RYR2: variants seen among roughly 807,000 people sequenced by gnomAD.
RYR2 encodes ryanodine receptor 2.
In RYR2, 227 loss-of-function variants were observed where a neutral mutation model predicts 601.1. That is an observed-to-expected ratio of 0.38 (90% CI 0.34 to 0.42). The LOEUF (loss-of-function observed/expected upper bound fraction) is 0.42, where lower values mean the gene tolerates loss of function less well. Ranked by LOEUF, RYR2 falls within the 10% of genes least tolerant of loss-of-function variation. RYR2 has a pLI of 1.00. For missense variants in RYR2, 4,646 were observed against 6,156.5 expected, an observed-to-expected ratio of 0.75 and a Z score of 8.21; for synonymous variants, 2,223 against 2,175.1, an observed-to-expected ratio of 1.02 and a Z score of -0.61.
At chr1:237,315,634 G>A (rs1412351657) in intron 2 of RYR2, among the ~76,000 whole-genome samples, 2 of 152,104 alleles carry the variant, frequency 1.3e-5, no homozygotes, top group African/African-American at 4.8e-5. Flanking sequence ...TCCTGTGGAG[G>A]ATCACAAAGC....
At chr1:237,396,257 A>C (rs1044103655) in intron 10 of RYR2, among the ~76,000 whole-genome samples, 3 of 152,168 alleles carry the variant, frequency 2.0e-5, no homozygotes, top group Non-Finnish European at 4.4e-5. Flanking sequence ...TTTGAGGACT[A>C]TGAATGACTC....
chr1:237,155,061 C>T (rs575388740), intron 1 of RYR2, among the ~76,000 whole-genome samples: 9 of 152,146 alleles, frequency 5.9e-5, no homozygotes, highest in Admixed American at 5.9e-4. Context: ...TCTTTGGTGA[C>T]TGTTGTCTCC....
At chr1:237,120,081 G>A (rs771052758) in intron 1 of RYR2, among the ~76,000 whole-genome samples, 2 of 152,148 alleles carry the variant, frequency 1.3e-5, no homozygotes, top group Non-Finnish European at 2.9e-5. Flanking sequence ...TTTAACTCCT[G>A]TCTCCTCAGT....
intron 1 of RYR2, among the ~76,000 whole-genome samples, chr1:237,200,390 G>A (rs557717869): frequency 6.6e-6 from 1 of 151,950 alleles, no homozygotes; most frequent in African/African-American, 2.4e-5. Context: ...TCAGCCTCCC[G>A]AGTAGCTGGG....
At chr1:237,733,516 C>T (rs778077218) in intron 78 of RYR2, among the ~76,000 whole-genome samples, 189 bp from the exon 79 acceptor site, 3 of 152,134 alleles carry the variant, frequency 2.0e-5, no homozygotes, top group East Asian at 3.8e-4. Flanking sequence ...TTAGGATCCC[C>T]GGGATCTTTG....
At chr1:237,465,756 A>G (rs1376170464) in intron 16 of RYR2, among the ~76,000 whole-genome samples, 1 of 152,206 alleles carries the variant, frequency 6.6e-6, no homozygotes, top group African/African-American at 2.4e-5. Context: ...TACATAACCT[A>G]TGGCTGTACA....
chr1:237,129,370 A>G (rs1671902531), intron 1 of RYR2, among the ~76,000 whole-genome samples: 1 of 152,244 alleles, frequency 6.6e-6, no homozygotes, highest in Non-Finnish European at 1.5e-5. Flanking sequence ...TTGAAGACAG[A>G]TGTTAGTGAT....
intron 52 of RYR2, 137 bp from the exon 53 acceptor site, chr1:237,655,684 G>C (rs2148822334): frequency 2.7e-6 from 2 of 740,240 alleles, no homozygotes; most frequent in Non-Finnish European, 4.2e-6. Context: ...TCATTTTCTG[G>C]AAAAAGAATG....
At chr1:237,583,245 G>GT (rs1426466167) in intron 29 of RYR2, among the ~76,000 whole-genome samples, 3 of 151,964 alleles carry the variant, frequency 2.0e-5, no homozygotes, top group East Asian at 3.9e-4. Context: ...ATCTGTTCAT[G>GT]TTTTTTTGCC....
rs1262974839 is a variant in RYR2 at position 237,791,603 on chromosome 1, G to A, written c.13563+88G>A. 1.2e-5 allele frequency: 9 copies of A among 728,628 alleles called. No homozygotes were observed. The South Asian group carries it at 1.5e-4, about 12-fold the overall frequency. 45.1% of individuals were successfully genotyped at this position (728,628 alleles called of 1,614,324 possible). A position where few individuals can be genotyped will look rare whatever the true frequency, so the allele number is the denominator to read the frequency against. On this transcript the variant is annotated intron_variant, in intron 93 of 104. Transcript: ENST00000366574. ...TTTCACGATGAACGTATCTACTACT[G>A]CTAGTGAACATGTCTAAACCTATTA... is the stretch of plus-strand genomic sequence containing the variant.
intron 1 of RYR2, among the ~76,000 whole-genome samples, chr1:237,051,236 TCCCTCCCCTTC>T (rs1423713866): frequency 4.1e-5 from 4 of 98,596 alleles, no homozygotes; most frequent in African/African-American, 8.3e-5. Flanking sequence ...TCCTCCCCTT[TCCCTCCCCTTC>T]CCCTCCCCTT....
intron 89 of RYR2, among the ~76,000 whole-genome samples, chr1:237,782,296 T>G (rs1486739003): frequency 1.3e-5 from 2 of 151,632 alleles, no homozygotes; most frequent in African/African-American, 4.8e-5. Flanking sequence ...GGTATGACCC[T>G]TGGACAAGCT....
chr1:237,703,516 T>G (rs1688127198), intron 66 of RYR2, among the ~76,000 whole-genome samples: 1 of 150,342 alleles, frequency 6.7e-6, no homozygotes, highest in Non-Finnish European at 1.5e-5. Flanking sequence ...ATGATTAACC[T>G]CTTGCCTATT....
intron 2 of RYR2, among the ~76,000 whole-genome samples, chr1:237,322,879 T>C (rs1390465568): frequency 1.3e-5 from 2 of 151,618 alleles, no homozygotes; most frequent in Admixed American, 1.3e-4. Flanking sequence ...AAAAAAACCT[T>C]TTTTGAGGAA....
At chr1:237,598,268 A>T (rs955304569) in intron 34 of RYR2, among the ~76,000 whole-genome samples, 1 of 152,256 alleles carries the variant, frequency 6.6e-6, no homozygotes, top group Non-Finnish European at 1.5e-5. Flanking sequence ...ACAGAAATTC[A>T]GCAAGGAAAC....
intron 1 of RYR2, among the ~76,000 whole-genome samples, chr1:237,081,295 A>G (rs1376163561): frequency 6.7e-6 from 1 of 149,288 alleles, no homozygotes; most frequent in Non-Finnish European, 1.5e-5. Context: ...AAAAAAAAAA[A>G]AAAAAAAAGA....
chr1:237,792,684 T>C (rs989435646), intron 94 of RYR2, among the ~76,000 whole-genome samples: 6 of 152,154 alleles, frequency 3.9e-5, no homozygotes, highest in Admixed American at 3.3e-4. Flanking sequence ...GGGAAGGGGC[T>C]ATGGCCATGA....
At chr1:237,713,079 T>G (rs2149084331) in intron 71 of RYR2, among the ~76,000 whole-genome samples, 1 of 152,282 alleles carries the variant, frequency 6.6e-6, no homozygotes, top group East Asian at 1.9e-4. Flanking sequence ...CTAGTCTTGT[T>G]TAAGAGTTTT....
chr1:237,048,750 G>C (rs890589911), intron 1 of RYR2, among the ~76,000 whole-genome samples: 3 of 152,154 alleles, frequency 2.0e-5, no homozygotes, highest in African/African-American at 7.2e-5. Context: ...CTGTGGGTGA[G>C]TTGGGACCGT....
Sources: gnomAD v4.1 joint callset for allele counts (sites outside exome capture counted in the v4.1 genomes callset) on GRCh38, gnomAD v4.1.1 for gene constraint, MANE v1.5 for transcripts, NCBI Gene and HGNC (gene_info 2026-07-23, HGNC 2026-07-21) for gene names.